The following WDFY4 variants were observed in gnomAD, a reference collection of about 807,000 sequenced individuals.
WDFY4 encodes the protein WDFY family member 4, also known as WD repeat- and FYVE domain-containing protein 4.
A neutral mutation model predicts 351.9 loss-of-function variants in WDFY4; 169 were observed. The observed-to-expected ratio is 0.48, with a 90% CI of 0.42 to 0.55. WDFY4 has a LOEUF of 0.55. WDFY4 is among the 20% of genes least tolerant of loss of function. The pLI is 0.00. For missense variants in WDFY4, 3,803 were observed against 3,935.6 expected (o/e 0.97, Z 0.90); for synonymous variants, 1,622 against 1,574.6 (o/e 1.03, Z -0.71).
At chr10:48,785,026 G>T (rs10857640) in intron 19 of WDFY4, among the ~76,000 whole-genome samples, 23,875 of 149,196 alleles carry the variant, frequency 0.16, 2,727 homozygotes, top group African/African-American at 0.32. Context: ...CCTGGCTAAT[G>T]TTTGTTGTGT....
At chr10:48,820,897 C>T (rs944335325) in intron 33 of WDFY4, among the ~76,000 whole-genome samples, 165 bp from the exon 34 acceptor site, 2 of 152,088 alleles carry the variant, frequency 1.3e-5, no homozygotes, top group African/African-American at 4.8e-5. Context: ...CTGGATGAGG[C>T]AGCTCAGTCA....
intron 39 of WDFY4, among the ~76,000 whole-genome samples, chr10:48,854,420 T>A (rs928292753): frequency 2.6e-5 from 4 of 152,146 alleles, no homozygotes; most frequent in African/African-American, 9.7e-5. Flanking sequence ...TAAGTCTTTT[T>A]TTTTCAACTG....
chr10:48,790,044 C>A, intron 22 of WDFY4, 59 bp downstream of exon 22: 1 of 1,494,166 alleles, frequency 6.7e-7, no homozygotes, highest in Non-Finnish European at 9.1e-7. Flanking sequence ...GCTGTCATGG[C>A]TTGTGCACCC....
intron 47 of WDFY4, among the ~76,000 whole-genome samples, chr10:48,936,737 C>T (rs1840388515): frequency 6.7e-6 from 1 of 150,322 alleles, no homozygotes; most frequent in East Asian, 2.0e-4. Context: ...ACTTGGGAGG[C>T]TGAGGCAGGA....
At chr10:48,951,813 G>T (rs1002871756) in intron 51 of WDFY4, among the ~76,000 whole-genome samples, 1 of 152,148 alleles carries the variant, frequency 6.6e-6, no homozygotes, top group Non-Finnish European at 1.5e-5. Context: ...TCCAGTAAAA[G>T]CACCAGTTGC....
intron 11 of WDFY4, among the ~76,000 whole-genome samples, chr10:48,738,355 T>C (rs1438963068): frequency 6.6e-6 from 1 of 152,286 alleles, no homozygotes; most frequent in Non-Finnish European, 1.5e-5. Context: ...AAAGTCGTTA[T>C]GGTGTTTTAC....
At chr10:48,978,204 T>C in intron 59 of WDFY4, 105 bp from the exon 60 acceptor site, 1 of 1,157,824 alleles carries the variant, frequency 8.6e-7, no homozygotes. Context: ...CATGTGTTCA[T>C]CCTTTCCCTG....
chr10:48,730,159 A>T (rs1179482198), intron 8 of WDFY4, among the ~76,000 whole-genome samples: 1 of 152,218 alleles, frequency 6.6e-6, no homozygotes, highest in Non-Finnish European at 1.5e-5. Flanking sequence ...GGCCTGCCGG[A>T]GGGAGTTTTT....
intron 47 of WDFY4, chr10:48,913,698 T>G: frequency 1.2e-6 from 2 of 1,612,916 alleles, no homozygotes; most frequent in Non-Finnish European, 1.7e-6. Flanking sequence ...CAGTAGGTTG[T>G]CATGGAGCCC....
At chr10:48,741,592 A>G (rs2064852835) in intron 11 of WDFY4, among the ~76,000 whole-genome samples, 1 of 151,794 alleles carries the variant, frequency 6.6e-6, no homozygotes, top group African/African-American at 2.4e-5. Context: ...TGTTTTTCTG[A>G]GCTACCAGTT....
intron 43 of WDFY4, chr10:48,878,413 G>A (rs570762871): frequency 6.6e-6 from 1 of 152,300 alleles, no homozygotes; most frequent in Admixed American, 6.5e-5. Context: ...AACCTGGGAG[G>A]GGCATAAGCA....
intron 43 of WDFY4, among the ~76,000 whole-genome samples, chr10:48,885,433 T>C (rs1448962060): frequency 6.6e-6 from 1 of 152,230 alleles, no homozygotes; most frequent in East Asian, 1.9e-4. Flanking sequence ...CCTTGGGTCT[T>C]GTAACATGTT....
At chr10:48,790,135 CAG>C in intron 22 of WDFY4, 150 bp downstream of exon 22, 1 of 725,422 alleles carries the variant, frequency 1.4e-6, no homozygotes, top group Non-Finnish European at 2.4e-6. Flanking sequence ...TGAATCCAGC[CAG>C]AGAGTTAGTC....
At chr10:48,786,505 T>C in intron 19 of WDFY4, 134 bp from the exon 20 acceptor site, 1 of 661,238 alleles carries the variant, frequency 1.5e-6, no homozygotes, top group Non-Finnish European at 2.4e-6. Flanking sequence ...TTGAGAATTA[T>C]ATTTTAGTTT....
chr10:48,920,407 C>A (rs965910142), intron 47 of WDFY4, among the ~76,000 whole-genome samples: 16 of 151,986 alleles, frequency 1.1e-4, no homozygotes, highest in African/African-American at 3.9e-4. Context: ...AGGAGATATA[C>A]CTAATGTTAA....
At chr10:48,739,755 C>T (rs571406809) in intron 11 of WDFY4, among the ~76,000 whole-genome samples, 27 of 152,244 alleles carry the variant, frequency 1.8e-4, no homozygotes, top group African/African-American at 6.3e-4. Flanking sequence ...TCCTCCTCTC[C>T]CTCCCAAGAG....
At chr10:48,749,597 T>C (rs916017815) in intron 12 of WDFY4, among the ~76,000 whole-genome samples, 2 of 152,152 alleles carry the variant, frequency 1.3e-5, no homozygotes, top group Non-Finnish European at 2.9e-5. Flanking sequence ...CAGCAGCACA[T>C]CATCCACAGT....
chr10:48,865,275 A>G (rs1243582838), intron 39 of WDFY4, among the ~76,000 whole-genome samples: 1 of 152,186 alleles, frequency 6.6e-6, no homozygotes, highest in African/African-American at 2.4e-5. Flanking sequence ...TTGTTTTGTC[A>G]TGAAAGGGTT....
chr10:48,807,992 G>T, intron 28 of WDFY4, 34 bp downstream of exon 28: 1 of 1,494,368 alleles, frequency 6.7e-7, no homozygotes, highest in Non-Finnish European at 8.9e-7. Flanking sequence ...TTTGGCAGGA[G>T]GTTACCTCAT....
Sources: gnomAD v4.1 joint callset for allele counts (sites outside exome capture counted in the v4.1 genomes callset) on GRCh38, gnomAD v4.1.1 for gene constraint, MANE v1.5 for transcripts, NCBI Gene and HGNC (gene_info 2026-07-23, HGNC 2026-07-21) for gene names.